The following GPHN variants were observed in gnomAD, a reference collection of about 807,000 sequenced individuals.
The protein encoded by GPHN is gephyrin.
In GPHN, 17 loss-of-function variants were observed where a neutral mutation model predicts 95.5. The observed-to-expected ratio is 0.18, with a 90% CI of 0.12 to 0.27. GPHN has a LOEUF of 0.27. Among genes scored for constraint, GPHN ranks in the 10% least tolerant of loss-of-function variants. The pLI, the probability that GPHN is intolerant of heterozygous loss-of-function variation, is 1.00. For synonymous variants in GPHN, 320 were observed against 322.5 expected, an observed-to-expected ratio of 0.99 and a Z score of 0.08; for missense variants, 660 against 978.1, an observed-to-expected ratio of 0.67 and a Z score of 4.34.
chr14:66,772,628 C>T (rs2059220740), intron 2 of GPHN, among the ~76,000 whole-genome samples: 1 of 152,160 alleles, frequency 6.6e-6, no homozygotes, highest in South Asian at 2.1e-4. Context: ...TTCACAGGTA[C>T]ACGTTTAGCA....
the GPHN span, among the ~76,000 whole-genome samples, chr14:67,584,901 A>C: frequency 1.2e-4 from 19 of 152,230 alleles, no homozygotes; most frequent in African/African-American, 4.1e-4. Context: ...GGCATATAAC[A>C]GGGACCCACT....
At chr14:66,744,855 A>G (rs2058078452) in intron 2 of GPHN, among the ~76,000 whole-genome samples, 2 of 140,468 alleles carry the variant, frequency 1.4e-5, no homozygotes, top group Admixed American at 1.5e-4. Flanking sequence ...ATAGCAATGC[A>G]ATTTTTTTTT....
chr14:67,056,045 A>G (rs1010321845), intron 10 of GPHN, among the ~76,000 whole-genome samples: 11 of 152,242 alleles, frequency 7.2e-5, no homozygotes, highest in African/African-American at 2.7e-4. Flanking sequence ...AAGAGTGAGC[A>G]GCAGCAAGAT....
chr14:66,585,123 G>A (rs2061365689), intron 1 of GPHN, among the ~76,000 whole-genome samples: 2 of 152,066 alleles, frequency 1.3e-5, no homozygotes, highest in Admixed American at 6.6e-5. Flanking sequence ...TTGGGAGGGT[G>A]TATGTGTCCA....
the GPHN span, among the ~76,000 whole-genome samples, chr14:67,263,883 G>A: frequency 0.31 from 47,823 of 152,018 alleles, 11,596 homozygotes; most frequent in African/African-American, 0.65. Context: ...TAAAATAGGG[G>A]TAGTAATTCT....
At chr14:67,409,262 AG>A in the GPHN span, among the ~76,000 whole-genome samples, 1 of 150,486 alleles carries the variant, frequency 6.6e-6, no homozygotes, top group Non-Finnish European at 1.5e-5. Flanking sequence ...AATAAGTAAC[AG>A]GGGGGTGTGG....
intron 16 of GPHN, among the ~76,000 whole-genome samples, chr14:67,113,722 G>T (rs2078511301): frequency 6.6e-6 from 1 of 152,068 alleles, no homozygotes; most frequent in African/African-American, 2.4e-5. Flanking sequence ...TTTAGAATGG[G>T]TCAAAATGTC....
At chr14:67,312,847 A>G in the GPHN span, 2 of 631,140 alleles carry the variant, frequency 3.2e-6, no homozygotes, top group Non-Finnish European at 5.0e-6. Context: ...TTGGGTTTTT[A>G]TGTTGTACCT....
chr14:67,715,641 CAAGTTCGTTCTTTTTGT>C, the GPHN span, among the ~76,000 whole-genome samples: 2 of 152,206 alleles, frequency 1.3e-5, no homozygotes, highest in African/African-American at 4.8e-5. Flanking sequence ...TCCCCAATGC[CAAGTTCGTTCTTTTTGT>C]AAGTATCTTC....
the GPHN span, among the ~76,000 whole-genome samples, chr14:67,296,585 C>CAAAAAAAAAAAAAAA: frequency 2.0e-5 from 1 of 51,000 alleles, no homozygotes; most frequent in African/African-American, 4.6e-5. Context: ...AACTCTGTCT[C>CAAAAAAAAAAAAAAA]AAAAAAAAAA....
intron 1 of GPHN, among the ~76,000 whole-genome samples, chr14:66,584,520 G>A (rs1444228473): frequency 2.0e-5 from 3 of 152,158 alleles, no homozygotes; most frequent in Non-Finnish European, 4.4e-5. Context: ...TATTGGCTGT[G>A]GGTTTGTCAT....
chr14:66,976,114 A>G (rs2070203539), intron 9 of GPHN, among the ~76,000 whole-genome samples: 1 of 152,184 alleles, frequency 6.6e-6, no homozygotes, highest in Admixed American at 6.5e-5. Flanking sequence ...TCTAGTACAT[A>G]AAGTACTAGA....
At chr14:67,024,665 A>T (rs1241169021) in intron 10 of GPHN, among the ~76,000 whole-genome samples, 9 of 152,208 alleles carry the variant, frequency 5.9e-5, no homozygotes, top group Non-Finnish European at 1.3e-4. Context: ...GCCCTCTCCC[A>T]GTGGAGCCAT....
At chr14:66,609,224 A>G (rs572491350) in intron 1 of GPHN, among the ~76,000 whole-genome samples, 66 of 152,184 alleles carry the variant, frequency 4.3e-4, no homozygotes, top group Middle Eastern at 6.8e-3. Context: ...TGGGATATGA[A>G]ATTCTTCATT....
At chr14:66,859,368 G>A (rs1407040842) in intron 4 of GPHN, among the ~76,000 whole-genome samples, 1 of 152,158 alleles carries the variant, frequency 6.6e-6, no homozygotes, top group African/African-American at 2.4e-5. Flanking sequence ...GTCTCTGTGT[G>A]GTAATACAGA....
chr14:67,536,987 C>T, the GPHN span, among the ~76,000 whole-genome samples: 1 of 150,744 alleles, frequency 6.6e-6, no homozygotes, highest in Non-Finnish European at 1.5e-5. Context: ...TTGCAGTGAG[C>T]CGAGATTGCA....
chr14:67,576,972 T>C, the GPHN span, among the ~76,000 whole-genome samples: 1 of 152,124 alleles, frequency 6.6e-6, no homozygotes, highest in South Asian at 2.1e-4. This position sits in a 1 kb window ranked among gnomAD's most constrained non-coding sequence, Gnocchi z 4.0. Flanking sequence ...GGCTTGTTTG[T>C]TTCTGACCAA....
At chr14:66,786,096 A>G (rs1463190906) in intron 3 of GPHN, among the ~76,000 whole-genome samples, 1 of 152,152 alleles carries the variant, frequency 6.6e-6, no homozygotes, top group Non-Finnish European at 1.5e-5. Flanking sequence ...AGTCAGTAAA[A>G]TAAAATCTGC....
chr14:66,556,180 A>G (rs1233104472), intron 1 of GPHN, among the ~76,000 whole-genome samples: 1 of 152,210 alleles, frequency 6.6e-6, no homozygotes, highest in Admixed American at 6.5e-5. Flanking sequence ...TATGTGGTCC[A>G]TCATTGACCA....
Sources: allele counts gnomAD v4.1 joint callset (sites outside exome capture counted in the v4.1 genomes callset), GRCh38; gene constraint gnomAD v4.1.1; non-coding constraint Gnocchi (gnomAD v3.1); transcripts MANE v1.5; gene names NCBI Gene and HGNC (gene_info 2026-07-23, HGNC 2026-07-21).